IL1RAPL1: variants seen among roughly 807,000 people sequenced by gnomAD.
IL1RAPL1 encodes the protein interleukin-1 receptor accessory protein-like 1.
IL1RAPL1 carries 3 observed loss-of-function variants against 48.4 expected under a neutral mutation model. The observed-to-expected ratio is 0.06, with a 90% CI of 0.03 to 0.16. The LOEUF is 0.16. Ranked by LOEUF, IL1RAPL1 falls within the 10% of genes least tolerant of loss-of-function variation. The pLI, the probability that IL1RAPL1 is intolerant of heterozygous loss-of-function variation, is 1.00. For missense variants in IL1RAPL1, 349 were observed against 530.6 expected, an observed-to-expected ratio of 0.66 and a Z score of 3.36; for synonymous variants, 185 against 187.7, an observed-to-expected ratio of 0.99 and a Z score of 0.12.
At chrX:29,560,060 C>T (rs1208884585) in intron 5 of IL1RAPL1, among the ~76,000 whole-genome samples, 5 of 111,265 alleles carry the variant, frequency 4.5e-5, no homozygotes, top group African/African-American at 6.5e-5. Flanking sequence ...AAGTATTTTT[C>T]GCATTTCTTG....
chrX:29,083,548 C>T (rs1427067616), intron 2 of IL1RAPL1, among the ~76,000 whole-genome samples: 6 of 111,527 alleles, frequency 5.4e-5, no homozygotes, highest in Non-Finnish European at 1.1e-4. Flanking sequence ...ATTCAGCACT[C>T]CATGATTATG....
chrX:29,940,796 G>C (rs1341825892), intron 8 of IL1RAPL1, among the ~76,000 whole-genome samples: 2 of 112,408 alleles, frequency 1.8e-5, no homozygotes, highest in Non-Finnish European at 3.8e-5. Context: ...TGTATACAGT[G>C]AGTGTCAAGA....
intron 3 of IL1RAPL1, among the ~76,000 whole-genome samples, chrX:29,326,719 A>T (rs1044826222): frequency 2.7e-5 from 3 of 111,802 alleles, no homozygotes; most frequent in Non-Finnish European, 3.8e-5. Context: ...TTTTTTTCTC[A>T]TTCGCACAAT....
intron 2 of IL1RAPL1, among the ~76,000 whole-genome samples, chrX:29,130,315 A>G (rs184851296): frequency 8.9e-6 from 1 of 112,243 alleles, no homozygotes; most frequent in Admixed American, 9.5e-5. Flanking sequence ...TATAATTGTG[A>G]GAGTAAATCT....
intron 2 of IL1RAPL1, among the ~76,000 whole-genome samples, chrX:29,248,463 G>A (rs908363539): frequency 2.7e-5 from 3 of 111,202 alleles, no homozygotes; most frequent in Non-Finnish European, 5.7e-5. Context: ...GTTATATCAC[G>A]AACAAGATAA....
chrX:29,024,013 T>C (rs1310531493), intron 2 of IL1RAPL1, among the ~76,000 whole-genome samples: 1 of 111,959 alleles, frequency 8.9e-6, no homozygotes, highest in Non-Finnish European at 1.9e-5. Context: ...TCACTACTTA[T>C]TGAGTTTATG....
At chrX:28,616,249 A>C (rs1483572274) in intron 1 of IL1RAPL1, among the ~76,000 whole-genome samples, 1 of 112,112 alleles carries the variant, frequency 8.9e-6, no homozygotes, top group Non-Finnish European at 1.9e-5. Flanking sequence ...AAAGGGTCTG[A>C]ATATGTAGAC....
At chrX:29,208,486 C>T (rs781131296) in intron 2 of IL1RAPL1, among the ~76,000 whole-genome samples, 46 of 110,104 alleles carry the variant, frequency 4.2e-4, no homozygotes, top group African/African-American at 1.4e-3. Flanking sequence ...CCGAGGTGGG[C>T]GGATCACGAG....
At chrX:29,905,619 A>C (rs1160547279) in intron 6 of IL1RAPL1, among the ~76,000 whole-genome samples, 1 of 111,537 alleles carries the variant, frequency 9.0e-6, no homozygotes, top group Non-Finnish European at 1.9e-5. Context: ...CATTTATTGA[A>C]CAGGGAATCC....
intron 1 of IL1RAPL1, among the ~76,000 whole-genome samples, chrX:28,588,602 C>A (rs1008012754): frequency 8.9e-6 from 1 of 112,324 alleles, no homozygotes; most frequent in African/African-American, 3.2e-5. Context: ...TGATAATCAT[C>A]GTTAATTGTT....
intron 5 of IL1RAPL1, among the ~76,000 whole-genome samples, chrX:29,589,115 C>G (rs552818065): frequency 4.5e-5 from 5 of 111,657 alleles, no homozygotes; most frequent in South Asian, 7.6e-4. Context: ...TTTGGAAGAA[C>G]CTTAATTAAA....
rs756758325 is a variant in IL1RAPL1 at position 29,488,294 on chromosome X, C to T, written c.703+88986C>T. The stretch of plus-strand genomic sequence containing the variant: ...CTCTACTAAAAATACAAAAATTAGC[C>T]GGGTGTGGGGGCGTGCGCCTGTAGT... On this transcript the variant is annotated intron_variant, in intron 5 of 10. Transcript: ENST00000378993. 5.2e-3 allele frequency among the ~76,000 whole-genome samples: 573 copies of T among 111,173 alleles called. 8 individuals carry two copies. The highest frequency in any genetic ancestry group is 0.018 in the African/African-American group (547 of 30,517).
At chrX:28,590,111 T>C (rs1446383315) in intron 1 of IL1RAPL1, among the ~76,000 whole-genome samples, 1 of 111,647 alleles carries the variant, frequency 9.0e-6, no homozygotes, top group East Asian at 2.8e-4. Context: ...GAGTTGTGAT[T>C]TTTTTTAAAG....
At chrX:29,529,474 A>G (rs978242605) in intron 5 of IL1RAPL1, among the ~76,000 whole-genome samples, 1 of 108,351 alleles carries the variant, frequency 9.2e-6, no homozygotes, top group South Asian at 4.2e-4. Context: ...CGCGCCTGTA[A>G]TCCCAGCTAC....
At chrX:29,915,477 GT>G (rs1932790485) in intron 6 of IL1RAPL1, among the ~76,000 whole-genome samples, 1 of 111,975 alleles carries the variant, frequency 8.9e-6, no homozygotes, top group Admixed American at 9.5e-5. Flanking sequence ...CTATAAAAAT[GT>G]TGTCATTGTG....
chrX:29,051,296 T>A, intron 2 of IL1RAPL1, among the ~76,000 whole-genome samples: 1 of 111,736 alleles, frequency 8.9e-6, no homozygotes, highest in East Asian at 2.8e-4. Context: ...TCCAAAATGG[T>A]GTTATGGACT....
intron 5 of IL1RAPL1, among the ~76,000 whole-genome samples, chrX:29,658,646 C>T (rs907089012): frequency 9.0e-6 from 1 of 111,513 alleles, no homozygotes; most frequent in Non-Finnish European, 1.9e-5. Context: ...AGCAGGACCC[C>T]GATTGTATTA....
At chrX:29,273,149 G>A (rs1932068540) in intron 2 of IL1RAPL1, among the ~76,000 whole-genome samples, 1 of 111,591 alleles carries the variant, frequency 9.0e-6, no homozygotes, top group South Asian at 3.7e-4. Flanking sequence ...AGCCATTTCA[G>A]CCTAGTTAAA....
chrX:28,808,988 T>C (rs1443795180), intron 2 of IL1RAPL1, among the ~76,000 whole-genome samples: 1 of 110,649 alleles, frequency 9.0e-6, no homozygotes, highest in African/African-American at 3.3e-5. Context: ...AAGAAAATAT[T>C]TGGAAACGTG....
Sources: allele counts gnomAD v4.1 joint callset (sites outside exome capture counted in the v4.1 genomes callset), GRCh38; gene constraint gnomAD v4.1.1; transcripts MANE v1.5; gene names NCBI Gene and HGNC (gene_info 2026-07-23, HGNC 2026-07-21).